The following FOXP2 variants were observed in gnomAD, a reference collection of about 807,000 sequenced individuals.
The protein encoded by FOXP2 is forkhead box protein P2.
Under a neutral mutation model 115.8 loss-of-function variants are expected in FOXP2, and 12 were observed. That is an observed-to-expected ratio of 0.10 (90% CI 0.07 to 0.17). The LOEUF is 0.17. Among genes scored for constraint, FOXP2 ranks in the 10% least tolerant of loss-of-function variants. The pLI is 1.00. For synonymous variants in FOXP2, 328 were observed against 297.7 expected (o/e 1.10, Z -1.05); for missense variants, 629 against 843.5 (o/e 0.75, Z 3.15).
chr7:114,560,672 C>T (rs1287640472), intron 3 of FOXP2, among the ~76,000 whole-genome samples: 1 of 152,094 alleles, frequency 6.6e-6, no homozygotes, highest in Non-Finnish European at 1.5e-5. Flanking sequence ...AATTACTTCA[C>T]TTAAGTTTGC....
At chr7:114,366,186 A>C (rs942728219) in intron 2 of FOXP2, among the ~76,000 whole-genome samples, 2 of 152,010 alleles carry the variant, frequency 1.3e-5, no homozygotes, top group Admixed American at 1.3e-4. Flanking sequence ...GTCTGTGTGG[A>C]TTTGGTCTAT....
At chr7:114,204,726 T>C (rs1310953007) in intron 1 of FOXP2, among the ~76,000 whole-genome samples, 1 of 152,208 alleles carries the variant, frequency 6.6e-6, no homozygotes, top group African/African-American at 2.4e-5. Context: ...TGAGAGTATT[T>C]GCTAGTAGCT....
chr7:114,194,507 A>G (rs1227706213), intron 1 of FOXP2, among the ~76,000 whole-genome samples: 1 of 151,962 alleles, frequency 6.6e-6, no homozygotes, highest in East Asian at 1.9e-4. Context: ...AAGACCTACC[A>G]TGCTTACCCA....
rs111360918 is a variant in FOXP2 at position 114,377,985 on chromosome 7, A to C, written c.-10-48517A>C. 4.5e-3 allele frequency among the ~76,000 whole-genome samples: 687 copies of C among 152,170 alleles called. 2 individuals carry two copies. Among genetic ancestry groups the C allele is most frequent in the South Asian group, 0.016 (75 of 4,814 alleles). ...TCGCTCCCCTCTCTCCCTCTCCTTA[A>C]GTAGTCTCTACAACTCATCTTTCTC... On this transcript the variant is annotated intron_variant, in intron 2 of 17. Transcript: ENST00000634411.
intron 2 of FOXP2, chr7:114,498,951 G>C: frequency 2.8e-6 from 2 of 717,746 alleles, no homozygotes; most frequent in Non-Finnish European, 5.2e-6. Context: ...TGATGACCTA[G>C]AAGAGCGATT....
At chr7:114,464,853 C>T (rs1428398396) in intron 2 of FOXP2, among the ~76,000 whole-genome samples, 1 of 152,346 alleles carries the variant, frequency 6.6e-6, no homozygotes, top group South Asian at 2.1e-4. Flanking sequence ...CTACTCTACT[C>T]ATCATGAGTG....
chr7:114,405,252 T>C (rs1048921393), intron 2 of FOXP2, among the ~76,000 whole-genome samples: 2 of 151,906 alleles, frequency 1.3e-5, no homozygotes, highest in Admixed American at 6.6e-5. Flanking sequence ...TAATTTGGTA[T>C]CAACGTCCAT....
chr7:114,109,569 T>G (rs564639105), intron 1 of FOXP2, among the ~76,000 whole-genome samples: 1 of 152,234 alleles, frequency 6.6e-6, no homozygotes, highest in African/African-American at 2.4e-5. Context: ...ATTTTGTAAT[T>G]TTAGGAAATC....
intron 1 of FOXP2, among the ~76,000 whole-genome samples, chr7:114,141,541 T>G (rs1249593118): frequency 6.6e-6 from 1 of 152,148 alleles, no homozygotes; most frequent in Non-Finnish European, 1.5e-5. Flanking sequence ...AGCTGATGAG[T>G]CACAGTAAGT....
Position 114,690,862 on chromosome 7 carries a change from C to A in FOXP2, c.*936C>A. The A allele has an allele frequency of 2.2e-6, 1 of 454,494 alleles. No individual in the cohort carries two copies. The highest frequency in any genetic ancestry group is 1.6e-5 in the South Asian group (1 of 64,476). The allele number at this position is 454,494 out of a possible 1,614,324, so 28.2% of individuals were successfully genotyped here. On this transcript the variant is annotated 3_prime_UTR_variant, in exon 17 of 17. Coordinates refer to ENST00000350908, the MANE Select transcript of FOXP2 (RefSeq NM_014491.4). Reference sequence around the variant, plus strand: ...AGGAACCTTTTCCATGAACTACCTGCTGTTTTCTGATGACCTCTGGGATCT... The same window carrying A: ...AGGAACCTTTTCCATGAACTACCTGATGTTTTCTGATGACCTCTGGGATCT...
At chr7:114,172,766 A>G (rs1209504274) in intron 1 of FOXP2, among the ~76,000 whole-genome samples, 1 of 152,326 alleles carries the variant, frequency 6.6e-6, no homozygotes, top group East Asian at 1.9e-4. Flanking sequence ...AAAGTAAAAA[A>G]GAATTAAAAA....
At chr7:114,418,386 T>C (rs1030025614) in intron 1 of FOXP2, among the ~76,000 whole-genome samples, 2 of 151,960 alleles carry the variant, frequency 1.3e-5, no homozygotes, top group East Asian at 3.9e-4. Context: ...CATGATGAGC[T>C]ATGTCTCTGT....
At chr7:114,176,320 CTTTCTTTTTCTTTCTT>C (rs375727158) in intron 1 of FOXP2, among the ~76,000 whole-genome samples, 3 of 132,886 alleles carry the variant, frequency 2.3e-5, no homozygotes, top group African/African-American at 6.4e-5. Flanking sequence ...CTCTCTCTCT[CTTTCTTTTTCTTTCTT>C]TCTCTCTCTC....
At chr7:114,336,206 C>A (rs910870508) in intron 2 of FOXP2, among the ~76,000 whole-genome samples, 17 of 150,440 alleles carry the variant, frequency 1.1e-4, no homozygotes, top group African/African-American at 3.9e-4. Flanking sequence ...ATACTTTGCA[C>A]AATTTTCCTT....
At chr7:114,498,187 A>G (rs113977958) in intron 2 of FOXP2, among the ~76,000 whole-genome samples, 1,701 of 152,292 alleles carry the variant, frequency 0.011, 16 homozygotes, top group Middle Eastern at 0.031. Flanking sequence ...TGGGAGGAAA[A>G]GACTGCAAAT....
chr7:114,312,623 GA>G (rs1797174440), intron 2 of FOXP2, among the ~76,000 whole-genome samples: 1 of 152,182 alleles, frequency 6.6e-6, no homozygotes, highest in African/African-American at 2.4e-5. Flanking sequence ...GGACACATGA[GA>G]TGTCAGGGTC....
chr7:114,657,998 G>T (rs1806675693), intron 10 of FOXP2, 68 bp from the exon 11 acceptor site: 9 of 1,575,120 alleles, frequency 5.7e-6, no homozygotes, highest in Non-Finnish European at 7.9e-6. Flanking sequence ...ACTCTCATTT[G>T]TCAAACCTTT....
intron 1 of FOXP2, among the ~76,000 whole-genome samples, chr7:114,241,665 G>A (rs1584570493): frequency 6.6e-6 from 1 of 151,664 alleles, no homozygotes; most frequent in East Asian, 1.9e-4. Context: ...AGGATTATGA[G>A]AATTTTTTAT....
chr7:114,132,839 A>T (rs1791929241), intron 1 of FOXP2, among the ~76,000 whole-genome samples: 1 of 152,028 alleles, frequency 6.6e-6, no homozygotes, highest in African/African-American at 2.4e-5. Flanking sequence ...TAGGAGATAG[A>T]ATTGAGGATT....
Sources: gnomAD v4.1 joint callset for allele counts (sites outside exome capture counted in the v4.1 genomes callset) on GRCh38, gnomAD v4.1.1 for gene constraint, MANE v1.5 for transcripts, NCBI Gene and HGNC (gene_info 2026-07-23, HGNC 2026-07-21) for gene names.